The following TPP2 variants were observed in gnomAD, a reference collection of about 807,000 sequenced individuals.
The protein encoded by TPP2 is tripeptidyl-peptidase 2.
TPP2 carries 34 observed loss-of-function variants against 155.9 expected under a neutral mutation model. The observed-to-expected ratio is 0.22, with a 90% CI of 0.17 to 0.29. The LOEUF (loss-of-function observed/expected upper bound fraction) is 0.29, where lower values mean the gene tolerates loss of function less well. Among genes scored for constraint, TPP2 ranks in the 10% least tolerant of loss-of-function variants. The pLI is 1.00. For synonymous variants in TPP2, 510 were observed against 529.4 expected (o/e 0.96, Z 0.50); for missense variants, 1,028 against 1,522.3 (o/e 0.68, Z 5.40).
Position 102,678,550 on chromosome 13 carries a change from T to A in TPP2, c.*234T>A. 1 of 405,134 alleles carries A rather than the reference T, an allele frequency of 2.5e-6. No individual in the cohort carries two copies. Among genetic ancestry groups the A allele is most frequent in the Non-Finnish European group, 4.4e-6 (1 of 225,174 alleles). 25.1% of individuals were successfully genotyped at this position (405,134 alleles called of 1,614,324 possible). A position where few individuals can be genotyped will look rare whatever the true frequency, so the allele number is the denominator to read the frequency against. ...GCCTCACATTGCTGGCACGGGGATG[T>A]GCCCTGCCTGCCAGCACCTAGGACT... On this transcript the variant is annotated 3_prime_UTR_variant, in exon 30 of 30. Coordinates refer to ENST00000376052, the MANE Select transcript of TPP2 (RefSeq NM_001330588.2).
At chr13:102,605,161 G>T (rs1209152062) in intron 2 of TPP2, among the ~76,000 whole-genome samples, 1 of 152,180 alleles carries the variant, frequency 6.6e-6, no homozygotes, top group Non-Finnish European at 1.5e-5. Context: ...GGTTAGCCAT[G>T]GCTGTGACTT....
intron 28 of TPP2, among the ~76,000 whole-genome samples, chr13:102,675,691 TA>T (rs1885242409): frequency 1.3e-5 from 2 of 152,196 alleles, no homozygotes; most frequent in Admixed American, 1.3e-4. Context: ...ACTACTATAT[TA>T]GGGGCTATGC....
At chr13:102,617,458 A>C (rs75170377) in intron 4 of TPP2, among the ~76,000 whole-genome samples, 1,614 of 152,284 alleles carry the variant, frequency 0.011, 27 homozygotes, top group African/African-American at 0.037. Flanking sequence ...TGATTTACTA[A>C]GTGGGATTAG....
intron 1 of TPP2, among the ~76,000 whole-genome samples, chr13:102,599,269 G>A (rs749447271): frequency 3.3e-5 from 5 of 152,172 alleles, no homozygotes; most frequent in Non-Finnish European, 7.4e-5. Flanking sequence ...ATATTCAGAT[G>A]ATAAAATATT....
chr13:102,617,580 C>T (rs1219366661), intron 4 of TPP2, among the ~76,000 whole-genome samples: 2 of 152,128 alleles, frequency 1.3e-5, no homozygotes, highest in African/African-American at 4.8e-5. Context: ...ATGTGACAGC[C>T]TCAGATTATC....
Position 102,644,529 on chromosome 13 carries a change from GAT to G in TPP2, c.2176-23_2176-22del, listed in dbSNP as rs764340589. 5.9e-4 allele frequency: 888 copies of G among 1,505,446 alleles called. 1 individual carries two copies. Among genetic ancestry groups the G allele is most frequent in the Non-Finnish European group, 7.5e-4 (817 of 1,094,908 alleles). 93.3% of individuals were successfully genotyped at this position (1,505,446 alleles called of 1,614,324 possible). A position where few individuals can be genotyped will look rare whatever the true frequency, so the allele number is the denominator to read the frequency against. ...GTAATTTGAGAAAAATAAGAAAAGA[GAT>G]ATATTTTATTTACTTTTATTTGCAG... On this transcript the variant is annotated intron_variant, in intron 17 of 29. Transcript: ENST00000376052.
chr13:102,648,048 A>G lies in TPP2; in HGVS notation c.2628+704A>G, dbSNP rs188749017. 2.7e-3 allele frequency among the ~76,000 whole-genome samples: 404 copies of G among 152,300 alleles called. 2 individuals carry two copies. Among genetic ancestry groups the G allele is most frequent in the African/African-American group, 9.4e-3 (389 of 41,572 alleles). ...GTCACATCTCATTACAGACTGGCCT[A>G]CTGCAGTGCTATTATTTTGGTTACT... is the stretch of plus-strand genomic sequence containing the variant. On this transcript the variant is annotated intron_variant, in intron 21 of 29. Coordinates refer to ENST00000376052, the MANE Select transcript of TPP2 (RefSeq NM_001330588.2).
chr13:102,616,606 A>C (rs1201016554), intron 4 of TPP2, 106 bp downstream of exon 4: 1 of 925,168 alleles, frequency 1.1e-6, no homozygotes, highest in Non-Finnish European at 1.5e-6. Context: ...TTTTTCACAA[A>C]TTTTCTTTTA....
intron 6 of TPP2, among the ~76,000 whole-genome samples, chr13:102,626,602 T>G (rs763179329): frequency 1.2e-4 from 18 of 152,230 alleles, no homozygotes; most frequent in South Asian, 2.1e-4. Context: ...CATCCACACT[T>G]GCTTTGTCAG....
Position 102,643,341 on chromosome 13 carries a change from G to C in TPP2, c.2140G>C (p.Glu714Gln). 6.2e-7 allele frequency: 1 copy of C among 1,611,928 alleles called. No individual in the cohort carries two copies. Among genetic ancestry groups the C allele is most frequent in the Non-Finnish European group, 8.5e-7 (1 of 1,179,304 alleles). Reference sequence around the variant, plus strand: ...ATTCTATAAGTTTTGTTCTCTTCCAGAGAAAGGAACACTGACTGAAGCTTT... The same window carrying C: ...ATTCTATAAGTTTTGTTCTCTTCCACAGAAAGGAACACTGACTGAAGCTTT... ...HEFYKFCSLP[E>Q]KGTLTEAFPV... The change falls in exon 17 of 30, where the codon GAG becomes CAG. Residue 714 changes from glutamate (E) to glutamine (Q), a missense_variant. Glu to Gln is a conservative substitution (Grantham distance 29, BLOSUM62 2). Coordinates refer to ENST00000376052, the MANE Select transcript of TPP2 (RefSeq NM_001330588.2).
chr13:102,627,048 G>T lies in TPP2; in HGVS notation c.821G>T (p.Gly274Val). 1 of 1,598,654 alleles carries T rather than the reference G, an allele frequency of 6.3e-7. No individual in the cohort carries two copies. The highest frequency in any genetic ancestry group is 1.1e-5 in the South Asian group (1 of 88,494). Residue 274 changes from glycine to valine, a missense_variant, in exon 7 of 30, where the codon GGA (glycine) becomes GTA (valine). Transcript: ENST00000376052. ...HGTHVASIAAGHFPEEPERNG... is the reference protein window; with the variant it reads ...HGTHVASIAAVHFPEEPERNG... The stretch of plus-strand genomic sequence containing the variant: ...ACACATGTAGCTAGTATAGCTGCTG[G>T]ACACTTTCCAGAAGAACCTGAACGG...
intron 15 of TPP2, among the ~76,000 whole-genome samples, chr13:102,639,118 C>G (rs534447632): frequency 6.6e-6 from 1 of 152,132 alleles, no homozygotes. Context: ...TTTACGTGCC[C>G]CTGGACAGAC....
intron 28 of TPP2, among the ~76,000 whole-genome samples, chr13:102,675,875 G>A (rs1323798987): frequency 6.6e-6 from 1 of 152,116 alleles, no homozygotes; most frequent in Non-Finnish European, 1.5e-5. Flanking sequence ...GACAGATGCA[G>A]TAATTACAGG....
Position 102,629,777 on chromosome 13 carries a change from C to T in TPP2, c.1144+168C>T, listed in dbSNP as rs114592181. Among the ~76,000 whole-genome samples, 484 of 152,214 alleles carry T rather than the reference C, an allele frequency of 3.2e-3. 2 individuals are homozygous for T. The highest frequency in any genetic ancestry group is 0.011 in the African/African-American group (438 of 41,524). ...GGGAACCAGCACATCTAGAACTGAC[C>T]GTAATTTAAAGTGGACTGAAATAAG... On this transcript the variant is annotated intron_variant, in intron 9 of 29. Transcript: ENST00000376052.
At chr13:102,665,732 T>C (rs1884550145) in intron 27 of TPP2, among the ~76,000 whole-genome samples, 1 of 152,352 alleles carries the variant, frequency 6.6e-6, no homozygotes, top group African/African-American at 2.4e-5. Context: ...CTGATTCTTT[T>C]GTGGTTATTA....
chr13:102,677,773 T>C (rs939795796), intron 29 of TPP2, among the ~76,000 whole-genome samples: 1 of 152,244 alleles, frequency 6.6e-6, no homozygotes, highest in Non-Finnish European at 1.5e-5. Flanking sequence ...GTACACCTGA[T>C]AAATATCTTA....
At chr13:102,597,254 G>A (rs758132877) in intron 1 of TPP2, 51 bp downstream of exon 1, 58 of 1,101,002 alleles carry the variant, frequency 5.3e-5, no homozygotes, top group Middle Eastern at 3.2e-4. Flanking sequence ...GGCCGGGGAC[G>A]CGGGTGGGGA....
chr13:102,663,510 GT>G, intron 25 of TPP2, 137 bp from the exon 26 acceptor site: 1 of 588,780 alleles, frequency 1.7e-6, no homozygotes. Context: ...GATAATCCTT[GT>G]CAATGACTAT....
Position 102,625,115 on chromosome 13 carries a change from C to G in TPP2, c.785-1897C>G, listed in dbSNP as rs540937293. On this transcript the variant is annotated intron_variant, in intron 6 of 29. Coordinates refer to ENST00000376052, the MANE Select transcript of TPP2 (RefSeq NM_001330588.2). ...CCTCGTGATCCACCCGCCTCGGCCT[C>G]CCAAAGTGCTGAGATTATAGGTGTG... Among the ~76,000 whole-genome samples, 3 of 150,454 alleles carry G rather than the reference C, an allele frequency of 2.0e-5. No homozygotes were observed. The South Asian group carries it at 6.3e-4, about 32-fold the overall frequency.
Sources: allele counts gnomAD v4.1 joint callset (sites outside exome capture counted in the v4.1 genomes callset), GRCh38; gene constraint gnomAD v4.1.1; transcripts MANE v1.5; gene names NCBI Gene and HGNC (gene_info 2026-07-23, HGNC 2026-07-21).